Variants in ZFAND2A observed in about 807,000 individuals in gnomAD.
ZFAND2A encodes zinc finger AN1-type containing 2A, also known as AN1-type zinc finger protein 2A.
A neutral mutation model predicts 11.6 loss-of-function variants in ZFAND2A; 20 were observed. The observed-to-expected ratio is 1.72, with a 90% CI of 1.21 to 2.50. The LOEUF (loss-of-function observed/expected upper bound fraction) is 2.50. Among genes scored for constraint, ZFAND2A ranks in the 30% most tolerant of loss-of-function variants. The pLI is 0.00. For missense variants in ZFAND2A, 234 were observed against 182.9 expected (o/e 1.28, Z -1.61); for synonymous variants, 93 against 60.6 (o/e 1.54, Z -2.48).
chr7:1,151,253 C>T (rs1482878945), downstream of ZFAND2A, among the ~76,000 whole-genome samples: 1 of 152,146 alleles, frequency 6.6e-6, no homozygotes, highest in Non-Finnish European at 1.5e-5. Flanking sequence ...CACACCTTCT[C>T]TCACACAGTG....
intron 1 of ZFAND2A, 92 bp from the exon 2 acceptor site, chr7:1,158,349 A>C: frequency 3.8e-6 from 3 of 790,032 alleles, no homozygotes; most frequent in Non-Finnish European, 6.4e-6. Context: ...AAAGTCAACA[A>C]ACGCACTGTG....
downstream of ZFAND2A, among the ~76,000 whole-genome samples, chr7:1,150,902 T>TTTTTTTTTC (rs1457637386): frequency 8.4e-5 from 12 of 142,140 alleles, no homozygotes; most frequent in East Asian, 1.2e-3. Context: ...TTTTTTTTTT[T>TTTTTTTTTC]TTTGAGATTC....
chr7:1,153,098 C>CGTGTCTGCAGCTGTGGTCCAAAGG lies in ZFAND2A; in HGVS notation c.385_408dup (p.Pro129_His136dup). ...CCAGCTTTGATGGTGGGGCGACTCCCGTGTCTGCAGCTGTGGTCCAAAGGG... is the reference window on the plus strand; with the variant it reads ...CCAGCTTTGATGGTGGGGCGACTCCCGTGTCTGCAGCTGTGGTCCAAAGGGTGTCTGCAGCTGTGGTCCAAAGGG... On this transcript the variant is annotated inframe_insertion, in exon 5 of 5. Transcript: ENST00000316495. The CGTGTCTGCAGCTGTGGTCCAAAGG allele has an allele frequency of 6.2e-7, 1 of 1,614,116 alleles. No homozygotes were observed. The highest frequency in any genetic ancestry group is 8.5e-7 in the Non-Finnish European group (1 of 1,180,030).
In ZFAND2A at chr7:1,155,456, C is replaced by T. The variant is rs1202954717; in HGVS notation, c.279G>A (p.Glu93=). ...DCDSHPGKKK[E]KIFTYRCSKE... is the part of the protein sequence containing the mutation. The stretch of plus-strand genomic sequence containing the variant: ...CTGAGGCGGGCTCTGTCCTTACCTT[C>T]TCTTTCTTCTTCCCAGGGTGAGAGT... The change falls in exon 4 of 5, where the codon GAG becomes GAA. Residue 93 remains glutamate, a synonymous_variant. Transcript: ENST00000316495. 6.2e-7 allele frequency: 1 copy of T among 1,613,486 alleles called. No individual in the cohort carries two copies. Among genetic ancestry groups the T allele is most frequent in the East Asian group, 2.2e-5 (1 of 44,860 alleles).
In ZFAND2A at chr7:1,155,586, T is replaced by G. The variant is rs377361905; in HGVS notation, c.151-2A>C. On this transcript the variant is annotated splice_acceptor_variant, in intron 3 of 4. Transcript: ENST00000316495. LOFTEE classifies it high-confidence loss of function. ...TGGGCATACTGGGACGTGAACATCCTAAAAATAACAAAGGTAAGATGGCAT... is the reference window on the plus strand; with the variant it reads ...TGGGCATACTGGGACGTGAACATCCGAAAAATAACAAAGGTAAGATGGCAT... 1.9e-6 allele frequency: 3 copies of G among 1,610,010 alleles called. No homozygotes were observed. The highest frequency in any genetic ancestry group is 1.3e-5 in the African/African-American group (1 of 74,670).
downstream of ZFAND2A, chr7:1,152,371 C>T: frequency 6.5e-7 from 1 of 1,531,052 alleles, no homozygotes; most frequent in Non-Finnish European, 8.8e-7. Context: ...TGGATCAGCT[C>T]AGCCTCCATG....
At position 1,158,145 on chromosome 7, in the gene ZFAND2A, TAA is replaced by T; in HGVS notation, c.55+11_55+12del. 1.2e-6 allele frequency: 2 copies of T among 1,612,850 alleles called. No individual in the cohort carries two copies. The highest frequency in any genetic ancestry group is 8.5e-7 in the Non-Finnish European group (1 of 1,179,290). On this transcript the variant is annotated intron_variant, in intron 2 of 4. Coordinates refer to ENST00000316495, the MANE Select transcript of ZFAND2A (RefSeq NM_182491.4). Reference sequence around the variant, plus strand: ...AAATACCATTTTCTATTAAGTCTCTTAAAAGTACTCACCTAGCTGCTTGCAAG... The same window carrying T: ...AAATACCATTTTCTATTAAGTCTCTTAAGTACTCACCTAGCTGCTTGCAAG...
intron 1 of ZFAND2A, among the ~76,000 whole-genome samples, chr7:1,158,857 C>T (rs1562348086): frequency 6.6e-6 from 1 of 152,082 alleles, no homozygotes; most frequent in Non-Finnish European, 1.5e-5. Context: ...ACGAGGTCCC[C>T]TCCATGATCT....
rs945025088 is a variant in ZFAND2A at position 1,159,456 on chromosome 7, TCCCAGCAGACAGGCCGGACC to T, written c.-46+488_-46+507del. On this transcript the variant is annotated intron_variant, in intron 1 of 4. Coordinates refer to ENST00000316495, the MANE Select transcript of ZFAND2A (RefSeq NM_182491.4). ...CCCGGCCCCCAGCAGACAGCCGGAC[TCCCAGCAGACAGGCCGGACC>T]CCCAGCAGCCAGACCCCGGCAGGCC... 1.0e-4 allele frequency among the ~76,000 whole-genome samples: 14 copies of T among 135,180 alleles called. No homozygotes were observed. In the East Asian group the frequency reaches 2.7e-3, roughly 26 times the overall value. The allele number at this position is 135,180 out of a possible 152,430, so 88.7% of individuals were successfully genotyped here.
At chr7:1,158,107 C>T in intron 2 of ZFAND2A, 51 bp downstream of exon 2, 1 of 1,566,618 alleles carries the variant, frequency 6.4e-7, no homozygotes. Context: ...GAACAGCCAG[C>T]TTTCCCCCAA....
In ZFAND2A at chr7:1,157,671, C is replaced by G; in HGVS notation, c.135G>C (p.Pro45=). The G allele has an allele frequency of 6.3e-7, 1 of 1,576,636 alleles. No individual in the cohort carries two copies. The change falls in exon 3 of 5, where the codon CCG becomes CCC. Residue 45 remains proline, a synonymous_variant. Coordinates refer to ENST00000316495, the MANE Select transcript of ZFAND2A (RefSeq NM_182491.4). ...DHFPYAAHKC[P]FAFQKDVHVP... ...GATCAATTACCTTCTGGAATGCAAA[C>G]GGACACTTATGTGCAGCGTATGGAA...
chr7:1,152,353 AG>A (rs1415915551), downstream of ZFAND2A: 5 of 1,554,310 alleles, frequency 3.2e-6, no homozygotes, highest in African/African-American at 6.8e-5. Flanking sequence ...ACCTACAGAG[AG>A]GGTGGATGGA....
intron 4 of ZFAND2A, among the ~76,000 whole-genome samples, chr7:1,155,067 G>A (rs1039679167): frequency 2.6e-5 from 4 of 152,326 alleles, no homozygotes; most frequent in Non-Finnish European, 4.4e-5. Context: ...GCAATGAGCC[G>A]AGACGGCACC....
chr7:1,154,637 C>T (rs1020764163), intron 4 of ZFAND2A, among the ~76,000 whole-genome samples: 10 of 152,164 alleles, frequency 6.6e-5, no homozygotes, highest in African/African-American at 9.7e-5. Flanking sequence ...AGCAAGCTTC[C>T]GCACAGAGAA....
chr7:1,149,308 T>C (rs1410419292), downstream of ZFAND2A, among the ~76,000 whole-genome samples: 1 of 152,208 alleles, frequency 6.6e-6, no homozygotes, highest in Non-Finnish European at 1.5e-5. Flanking sequence ...TTTTCCTTGC[T>C]CCACAGCACA....
At position 1,153,141 on chromosome 7, in the gene ZFAND2A, G is replaced by GA. The variant is rs777346611; in HGVS notation, c.365dup (p.Cys123LeufsTer37). ...CCAAAGGGTGTCTGTGCTGGATACA[G>GA]AAGTTGCCGTGACATTGGGCACATA... On this transcript the variant is annotated frameshift_variant, in exon 5 of 5. Coordinates refer to ENST00000316495, the MANE Select transcript of ZFAND2A (RefSeq NM_182491.4). LOFTEE classifies it low-confidence loss of function (END_TRUNC). 9.9e-6 allele frequency: 16 copies of GA among 1,614,224 alleles called. No homozygotes were observed. The highest frequency in any genetic ancestry group is 1.4e-5 in the Non-Finnish European group (16 of 1,180,038).
downstream of ZFAND2A, chr7:1,152,336 G>C: frequency 6.4e-7 from 1 of 1,572,870 alleles, no homozygotes. Context: ...GACTGTCATG[G>C]GTGAGCACCT....
In ZFAND2A at chr7:1,152,958, A is replaced by G. The variant is rs1454048529; in HGVS notation, c.*111T>C. 1.4e-6 allele frequency: 2 copies of G among 1,419,924 alleles called. No individual in the cohort carries two copies. Among genetic ancestry groups the G allele is most frequent in the South Asian group, 1.2e-5 (1 of 82,338 alleles). 88.0% of individuals were successfully genotyped at this position (1,419,924 alleles called of 1,614,324 possible). A position where few individuals can be genotyped will look rare whatever the true frequency, so the allele number is the denominator to read the frequency against. On this transcript the variant is annotated 3_prime_UTR_variant, in exon 5 of 5. Transcript: ENST00000316495. The stretch of plus-strand genomic sequence containing the variant: ...AGTCCCATCTCCCTCAACAAACAAG[A>G]TCAGCAGCCAGTGTGGGATGGTGCT...
chr7:1,155,598 A>C lies in ZFAND2A; in HGVS notation c.151-14T>G. On this transcript the variant is annotated splice_polypyrimidine_tract_variant and intron_variant, in intron 3 of 4. Transcript: ENST00000316495. Reference sequence around the variant, plus strand: ...GACGTGAACATCCTAAAAATAACAAAGGTAAGATGGCATCTGAGACTCATG... The same window carrying C: ...GACGTGAACATCCTAAAAATAACAACGGTAAGATGGCATCTGAGACTCATG... 1.2e-6 allele frequency: 2 copies of C among 1,611,042 alleles called. No individual in the cohort carries two copies. The highest frequency in any genetic ancestry group is 1.7e-6 in the Non-Finnish European group (2 of 1,178,386).
Sources: gnomAD v4.1 joint callset for allele counts (sites outside exome capture counted in the v4.1 genomes callset) on GRCh38, gnomAD v4.1.1 for gene constraint, MANE v1.5 for transcripts, NCBI Gene and HGNC (gene_info 2026-07-23, HGNC 2026-07-21) for gene names.